MCC: variants seen among roughly 807,000 people sequenced by gnomAD.
The protein encoded by MCC is MCC regulator of Wnt signaling pathway.
Under a neutral mutation model 116.2 loss-of-function variants are expected in MCC, and 90 were observed. That is an observed-to-expected ratio of 0.77 (90% CI 0.65 to 0.92). The LOEUF (loss-of-function observed/expected upper bound fraction) is 0.92. MCC is among the 40% of genes least tolerant of loss of function. MCC has a pLI of 0.00. For missense variants in MCC, 1,516 were observed against 1,312.2 expected (o/e 1.16, Z -2.40); for synonymous variants, 578 against 510.5 (o/e 1.13, Z -1.78).
chr5:113,380,064 G>C (rs927975862), intron 2 of MCC, among the ~76,000 whole-genome samples: 2 of 152,150 alleles, frequency 1.3e-5, no homozygotes, highest in Non-Finnish European at 2.9e-5. Context: ...TGAATCTATG[G>C]AAATTCCTCT....
intron 18 of MCC, among the ~76,000 whole-genome samples, chr5:113,027,726 C>T (rs991665977): frequency 6.6e-6 from 1 of 152,092 alleles, no homozygotes; most frequent in African/African-American, 2.4e-5. Context: ...AGGCTGGTCA[C>T]TCTCACATAT....
chr5:113,027,160 G>A lies in MCC; in HGVS notation c.*142C>T, dbSNP rs1345257048. 2.6e-6 allele frequency: 2 copies of A among 776,572 alleles called. No individual in the cohort carries two copies. The highest frequency in any genetic ancestry group is 4.1e-6 in the Non-Finnish European group (2 of 493,024). 48.1% of individuals were successfully genotyped at this position (776,572 alleles called of 1,614,324 possible). ...GGCCAGTCGCCCCAAGGGTTGAGTT[G>A]GGGCACTCCATTGTCCAAGTGCCGA... is the stretch of plus-strand genomic sequence containing the variant. On this transcript the variant is annotated 3_prime_UTR_variant, in exon 19 of 19. Coordinates refer to ENST00000408903, the MANE Select transcript of MCC (RefSeq NM_001085377.2).
chr5:113,034,274 T>C (rs999224771), intron 17 of MCC, among the ~76,000 whole-genome samples: 17 of 152,122 alleles, frequency 1.1e-4, no homozygotes, highest in South Asian at 2.1e-4. Flanking sequence ...AGAGGCAGCC[T>C]CGTGGTGTGA....
At chr5:113,326,611 C>T (rs968680406) in intron 3 of MCC, among the ~76,000 whole-genome samples, 2 of 152,148 alleles carry the variant, frequency 1.3e-5, no homozygotes, top group African/African-American at 2.4e-5. Flanking sequence ...AGTTTCAATG[C>T]GAATTTTGGA....
intron 3 of MCC, among the ~76,000 whole-genome samples, chr5:113,237,850 A>C (rs950962871): frequency 6.6e-6 from 1 of 152,236 alleles, no homozygotes; most frequent in Non-Finnish European, 1.5e-5. Flanking sequence ...AAGAACACTG[A>C]AAAACAATCA....
At chr5:113,122,119 C>T (rs753920638) in intron 6 of MCC, among the ~76,000 whole-genome samples, 5 of 152,200 alleles carry the variant, frequency 3.3e-5, no homozygotes, top group Non-Finnish European at 7.3e-5. Context: ...GTAGGTCACA[C>T]CCTGCAGTTT....
intron 2 of MCC, among the ~76,000 whole-genome samples, chr5:113,346,611 CA>C (rs1768138651): frequency 9.7e-6 from 1 of 102,746 alleles, no homozygotes; most frequent in Admixed American, 9.4e-5. Context: ...AAAAAACAAA[CA>C]AACAACAACA....
intron 17 of MCC, among the ~76,000 whole-genome samples, chr5:113,037,700 G>A (rs189385171): frequency 1.1e-3 from 175 of 152,198 alleles, no homozygotes; most frequent in Non-Finnish European, 2.0e-3. Context: ...TCTCAAAAAA[G>A]TACCAGAGAA....
intron 6 of MCC, among the ~76,000 whole-genome samples, chr5:113,119,359 G>A (rs560926870): frequency 6.6e-6 from 1 of 152,190 alleles, no homozygotes; most frequent in East Asian, 1.9e-4. Context: ...GATGAGGCAT[G>A]ACTCTAGAGG....
intron 3 of MCC, among the ~76,000 whole-genome samples, chr5:113,176,653 C>A (rs1326768387): frequency 1.3e-5 from 2 of 152,178 alleles, no homozygotes; most frequent in South Asian, 2.1e-4. Flanking sequence ...CCCCGTACAT[C>A]CAGCTTGCTA....
At chr5:113,093,829 A>G (rs544046675) in intron 8 of MCC, among the ~76,000 whole-genome samples, 86 of 152,300 alleles carry the variant, frequency 5.6e-4, no homozygotes, top group African/African-American at 2.0e-3. Flanking sequence ...AAACATTTTT[A>G]TTAGCCATAA....
chr5:113,395,296 T>C (rs1769497512), intron 1 of MCC, among the ~76,000 whole-genome samples: 1 of 152,300 alleles, frequency 6.6e-6, no homozygotes, highest in South Asian at 2.1e-4. Flanking sequence ...TTGATATCAT[T>C]AGGTTTTTAA....
chr5:113,386,221 T>A (rs765769444), intron 1 of MCC, among the ~76,000 whole-genome samples: 9 of 152,198 alleles, frequency 5.9e-5, no homozygotes, highest in Non-Finnish European at 8.8e-5. Context: ...CTAATTAGTG[T>A]GCCTGTCTCA....
intron 17 of MCC, among the ~76,000 whole-genome samples, chr5:113,040,277 G>GT (rs1751611042): frequency 6.6e-6 from 1 of 151,978 alleles, no homozygotes; most frequent in Non-Finnish European, 1.5e-5. Context: ...GGCTGGCCAG[G>GT]TAAGGGGAGG....
chr5:113,217,423 T>C (rs1308314588), intron 3 of MCC, among the ~76,000 whole-genome samples: 2 of 152,252 alleles, frequency 1.3e-5, no homozygotes, highest in African/African-American at 4.8e-5. Context: ...GTTGATTTTT[T>C]ATAGCCTTAT....
At chr5:113,261,161 G>T (rs535020556) in intron 3 of MCC, among the ~76,000 whole-genome samples, 1 of 152,212 alleles carries the variant, frequency 6.6e-6, no homozygotes, top group African/African-American at 2.4e-5. Flanking sequence ...GTAATAGCTT[G>T]GCCTAGCCTA....
At chr5:113,418,985 G>C (rs1770239432) in intron 1 of MCC, among the ~76,000 whole-genome samples, 1 of 151,992 alleles carries the variant, frequency 6.6e-6, no homozygotes, top group South Asian at 2.1e-4. Context: ...AACAATTAAG[G>C]GTATGCAACT....
chr5:113,467,845 CCT>C (rs1351326508), intron 1 of MCC, among the ~76,000 whole-genome samples: 1 of 152,092 alleles, frequency 6.6e-6, no homozygotes, highest in African/African-American at 2.4e-5. Flanking sequence ...TTCTTTGTAT[CCT>C]CTTTTATTTC....
chr5:113,296,642 T>C (rs1766719576), intron 3 of MCC, among the ~76,000 whole-genome samples: 1 of 151,652 alleles, frequency 6.6e-6, no homozygotes, highest in Non-Finnish European at 1.5e-5. Flanking sequence ...GAAAGGGGGG[T>C]TGGTGTCAGA....
Sources: gnomAD v4.1 joint callset for allele counts (sites outside exome capture counted in the v4.1 genomes callset) on GRCh38, gnomAD v4.1.1 for gene constraint, MANE v1.5 for transcripts, NCBI Gene and HGNC (gene_info 2026-07-23, HGNC 2026-07-21) for gene names.